Variants in DPYD observed in about 807,000 individuals in gnomAD.
The protein encoded by DPYD is dihydropyrimidine dehydrogenase [NADP(+)].
Under a neutral mutation model 116.2 loss-of-function variants are expected in DPYD, and 109 were observed. That is an observed-to-expected ratio of 0.94 (90% CI 0.80 to 1.10). The LOEUF (loss-of-function observed/expected upper bound fraction) is 1.10, where lower values mean the gene tolerates loss of function less well. Ranked by LOEUF, DPYD falls within the 50% of genes least tolerant of loss-of-function variation. DPYD has a pLI of 0.00. For synonymous variants in DPYD, 440 were observed against 432.0 expected, an observed-to-expected ratio of 1.02 and a Z score of -0.23; for missense variants, 1,302 against 1,254.5, an observed-to-expected ratio of 1.04 and a Z score of -0.57.
At chr1:97,830,347 G>A (rs921774262) in intron 2 of DPYD, among the ~76,000 whole-genome samples, 3 of 152,134 alleles carry the variant, frequency 2.0e-5, no homozygotes, top group Non-Finnish European at 2.9e-5. Flanking sequence ...TAAACAGCAG[G>A]GTTGGAAGAT....
intron 18 of DPYD, among the ~76,000 whole-genome samples, chr1:97,285,215 T>C (rs1303795637): frequency 2.0e-5 from 3 of 152,188 alleles, no homozygotes; most frequent in Admixed American, 6.5e-5. Flanking sequence ...TGATTCTACT[T>C]GAAGATCATG....
At chr1:97,441,690 A>C (rs763226709) in intron 14 of DPYD, among the ~76,000 whole-genome samples, 66 of 152,164 alleles carry the variant, frequency 4.3e-4, no homozygotes, top group Middle Eastern at 3.2e-3. Flanking sequence ...TCCTCCTATA[A>C]TGGCTTATGT....
chr1:97,291,225 T>C (rs1241065681), intron 18 of DPYD, among the ~76,000 whole-genome samples: 1 of 152,106 alleles, frequency 6.6e-6, no homozygotes, highest in Non-Finnish European at 1.5e-5. Flanking sequence ...AAGAACACTT[T>C]TACACTGTTG....
At chr1:97,217,334 T>G (rs1660477948) in intron 19 of DPYD, among the ~76,000 whole-genome samples, 1 of 152,248 alleles carries the variant, frequency 6.6e-6, no homozygotes, top group Non-Finnish European at 1.5e-5. Flanking sequence ...CAGAGGTCAT[T>G]CATCCTAAAT....
At chr1:97,827,762 C>G (rs1669311073) in intron 3 of DPYD, among the ~76,000 whole-genome samples, 1 of 151,914 alleles carries the variant, frequency 6.6e-6, no homozygotes, top group African/African-American at 2.4e-5. Flanking sequence ...GGAGGAAATA[C>G]TACTCAATTA....
At chr1:97,886,939 T>C (rs1414061291) in intron 1 of DPYD, among the ~76,000 whole-genome samples, 1 of 151,100 alleles carries the variant, frequency 6.6e-6, no homozygotes, top group East Asian at 2.0e-4. Context: ...TTTAACTGAA[T>C]CACACTGTGG....
At chr1:97,666,903 C>T (rs1659593301) in intron 8 of DPYD, among the ~76,000 whole-genome samples, 1 of 152,190 alleles carries the variant, frequency 6.6e-6, no homozygotes, top group Non-Finnish European at 1.5e-5. Context: ...TAGATTTCCA[C>T]TTAAAATGTT....
At position 97,920,756 on chromosome 1, in the gene DPYD, C is replaced by T. The variant is rs1209231104; in HGVS notation, c.39+128G>A. 2.2e-6 allele frequency: 3 copies of T among 1,341,348 alleles called. No individual in the cohort carries two copies. In the South Asian group the frequency reaches 3.8e-5, roughly 17 times the overall value. 83.1% of individuals were successfully genotyped at this position (1,341,348 alleles called of 1,614,324 possible). A position where few individuals can be genotyped will look rare whatever the true frequency, so the allele number is the denominator to read the frequency against. The stretch of plus-strand genomic sequence containing the variant: ...CTCCTCCGCTCCCCCGCAGAGCTCC[C>T]ACGGGGGAAACTTTCCCGCGTCTCT... On this transcript the variant is annotated intron_variant, in intron 1 of 22. Coordinates refer to ENST00000370192, the MANE Select transcript of DPYD (RefSeq NM_000110.4).
chr1:97,632,765 A>G (rs1219808564), intron 8 of DPYD, among the ~76,000 whole-genome samples: 2 of 152,168 alleles, frequency 1.3e-5, no homozygotes, highest in Non-Finnish European at 2.9e-5. Context: ...TTTTTAATAT[A>G]TTTACAGGTG....
At chr1:97,288,802 C>G (rs1012912912) in intron 18 of DPYD, among the ~76,000 whole-genome samples, 3 of 151,482 alleles carry the variant, frequency 2.0e-5, no homozygotes, top group East Asian at 1.9e-4. Context: ...CAAACACATT[C>G]AAAAGCTAGC....
At chr1:97,610,305 G>A (rs532192079) in intron 8 of DPYD, among the ~76,000 whole-genome samples, 1 of 152,050 alleles carries the variant, frequency 6.6e-6, no homozygotes, top group African/African-American at 2.4e-5. Context: ...CACGGTTAAG[G>A]AGAACAGAAG....
chr1:97,242,812 A>T (rs1662465066), intron 18 of DPYD, among the ~76,000 whole-genome samples: 2 of 151,890 alleles, frequency 1.3e-5, no homozygotes, highest in South Asian at 2.1e-4. Flanking sequence ...TAGATAAAAG[A>T]TCTACAAACA....
chr1:97,399,246 CAG>C (rs1431073368), intron 14 of DPYD, among the ~76,000 whole-genome samples: 1 of 152,118 alleles, frequency 6.6e-6, no homozygotes, highest in African/African-American at 2.4e-5. Flanking sequence ...TGTCAAAGAT[CAG>C]ATAGTTGTAG....
chr1:97,447,880 A>G (rs1407804703), intron 14 of DPYD, among the ~76,000 whole-genome samples: 2 of 152,146 alleles, frequency 1.3e-5, no homozygotes, highest in African/African-American at 4.8e-5. Context: ...TTATCTAGAT[A>G]CTATTGAATC....
intron 18 of DPYD, among the ~76,000 whole-genome samples, chr1:97,237,562 A>G (rs1408937280): frequency 6.6e-6 from 1 of 152,184 alleles, no homozygotes; most frequent in Non-Finnish European, 1.5e-5. Flanking sequence ...GTGATTCCTC[A>G]CAGTTTTTAT....
At chr1:97,188,807 G>T (rs141055843) in intron 20 of DPYD, among the ~76,000 whole-genome samples, 1 of 152,124 alleles carries the variant, frequency 6.6e-6, no homozygotes, top group South Asian at 2.1e-4. Context: ...GTTCTAGGCC[G>T]TCAAGAAGCT....
At chr1:97,198,034 G>A (rs1008384729) in intron 19 of DPYD, among the ~76,000 whole-genome samples, 1 of 152,230 alleles carries the variant, frequency 6.6e-6, no homozygotes, top group South Asian at 2.1e-4. Context: ...TTTCCTGATA[G>A]AATTTTTGAT....
chr1:97,803,771 G>A (rs1667950306), intron 3 of DPYD, among the ~76,000 whole-genome samples: 1 of 151,650 alleles, frequency 6.6e-6, no homozygotes, highest in Non-Finnish European at 1.5e-5. Flanking sequence ...TATGACTTAG[G>A]GTTATATTTC....
At chr1:97,556,169 C>G (rs1651688584) in intron 11 of DPYD, among the ~76,000 whole-genome samples, 2 of 152,066 alleles carry the variant, frequency 1.3e-5, no homozygotes, top group Non-Finnish European at 1.5e-5. Flanking sequence ...GGTGCCTCCC[C>G]CTTGTTGTGC....
Sources: allele counts gnomAD v4.1 joint callset (sites outside exome capture counted in the v4.1 genomes callset), GRCh38; gene constraint gnomAD v4.1.1; transcripts MANE v1.5; gene names NCBI Gene and HGNC (gene_info 2026-07-23, HGNC 2026-07-21).